Variants in POTEF observed in about 807,000 individuals in gnomAD.
The protein encoded by POTEF is POTE ankyrin domain family member F.
In POTEF, 20 loss-of-function variants were observed where a neutral mutation model predicts 83.2. The ratio of observed to expected loss-of-function variants is 0.24; its 90% CI spans 0.17 to 0.35. The LOEUF (loss-of-function observed/expected upper bound fraction) is 0.35. POTEF is among the 10% of genes least tolerant of loss of function. POTEF has a pLI of 1.00. For missense variants in POTEF, 550 were observed against 1,203.2 expected (o/e 0.46, Z 8.03); for synonymous variants, 196 against 446.4 (o/e 0.44, Z 7.07).
chr2:130,119,234 G>A (rs1573616352), intron 3 of POTEF, among the ~76,000 whole-genome samples: 1 of 151,284 alleles, frequency 6.6e-6, no homozygotes. Context: ...CACTATCTCG[G>A]CTCACTGCAA....
At position 130,120,126 on chromosome 2, in the gene POTEF, C is replaced by G. The variant is rs369169243; in HGVS notation, c.390G>C (p.Glu130Asp). 8 of 1,608,926 alleles carry G rather than the reference C, an allele frequency of 5.0e-6. No homozygotes were observed. The highest frequency in any genetic ancestry group is 5.9e-6 in the Non-Finnish European group (7 of 1,179,446). Residue 130 changes from glutamate to aspartate, a missense_variant, in exon 3 of 17, where the codon GAG (glutamate) becomes GAC (aspartate). By Grantham distance (45) the Glu-to-Asp change is conservative. Transcript: ENST00000409914. ...CTTCTCCACGGACGTGGTACCTGGG[C>G]TCCATGAAGGCACTGTCATCGTAGT... ...WGDYDDSAFM[E>D]PRYHVRGEDL... is the part of the protein sequence containing the mutation.
rs200428371 is a variant in POTEF at position 130,074,266 on chromosome 2, A to G, written c.3206T>C (p.Ile1069Thr). ...CACCTACAAGCATTTGCGGTGGACAATGGAGGGGCCTGACTCATCATACTC... is the reference window on the plus strand; with the variant it reads ...CACCTACAAGCATTTGCGGTGGACAGTGGAGGGGCCTGACTCATCATACTC... ...KQEYDESGPS[I>T]VHRKCL is the part of the protein sequence containing the mutation. The change falls in exon 17 of 17, where the codon ATT (isoleucine) becomes ACT (threonine). Residue 1069 changes from isoleucine to threonine, a missense_variant. Transcript: ENST00000409914. 4.4e-5 allele frequency: 71 copies of G among 1,608,770 alleles called. 2 individuals carry two copies. Among genetic ancestry groups the G allele is most frequent in the South Asian group, 8.8e-5 (8 of 90,954 alleles).
chr2:130,120,985 T>G lies in POTEF; in HGVS notation c.-93-377A>C, dbSNP rs764358253. ...CGTGCAGCATGCGCGTGCAAGCCAT[T>G]ACAGGCCAGCCAAGCCGTTACGCGC... On this transcript the variant is annotated intron_variant, in intron 2 of 16. Transcript: ENST00000409914. 1,429 of 229,670 alleles carry G rather than the reference T, an allele frequency of 6.2e-3. 9 individuals are homozygous for G. The highest frequency in any genetic ancestry group is 0.033 in the Middle Eastern group (20 of 612). The allele number at this position is 229,670 out of a possible 1,614,324, so 14.2% of individuals were successfully genotyped here.
intron 3 of POTEF, among the ~76,000 whole-genome samples, chr2:130,117,676 T>G (rs1684876383): frequency 6.6e-6 from 1 of 151,896 alleles, no homozygotes; most frequent in African/African-American, 2.4e-5. Flanking sequence ...GCACTGAAAT[T>G]TGTCCATGAA....
At chr2:130,119,451 C>T (rs534344033) in intron 3 of POTEF, among the ~76,000 whole-genome samples, 77 of 151,828 alleles carry the variant, frequency 5.1e-4, no homozygotes, top group East Asian at 2.7e-3. Flanking sequence ...TGAGCCACCG[C>T]GCCCAGCCAA....
At chr2:130,126,539 C>G (rs1573620150) in intron 2 of POTEF, among the ~76,000 whole-genome samples, 1 of 152,154 alleles carries the variant, frequency 6.6e-6, no homozygotes, top group East Asian at 1.9e-4. Flanking sequence ...ATGCCAGAGG[C>G]TGCAATTTTT....
At chr2:130,123,302 TTA>T in intron 2 of POTEF, among the ~76,000 whole-genome samples, 1 of 150,664 alleles carries the variant, frequency 6.6e-6, no homozygotes, top group Admixed American at 6.6e-5. Flanking sequence ...AGTAGAAAAA[TTA>T]TGTTAATTCC....
chr2:130,107,980 C>T, intron 8 of POTEF, 29 bp downstream of exon 8: 2 of 1,607,030 alleles, frequency 1.2e-6, no homozygotes, highest in Non-Finnish European at 8.5e-7. Context: ...GGACAACTGA[C>T]TAAAGTAATT....
chr2:130,119,169 T>G (rs1042031151), intron 3 of POTEF, among the ~76,000 whole-genome samples: 14 of 151,028 alleles, frequency 9.3e-5, no homozygotes, highest in African/African-American at 3.2e-4. Context: ...TCCCATCTTT[T>G]TTTTTTTTTT....
At chr2:130,128,393 G>A (rs1343164365) in intron 1 of POTEF, among the ~76,000 whole-genome samples, 1 of 151,838 alleles carries the variant, frequency 6.6e-6, no homozygotes, top group Admixed American at 6.6e-5. Flanking sequence ...AGGAGACCAT[G>A]GCTGTTGCTG....
Position 130,126,666 on chromosome 2 carries a change from A to G in POTEF, c.-94+1043T>C, listed in dbSNP as rs549191525. 1.5e-3 allele frequency among the ~76,000 whole-genome samples: 227 copies of G among 152,158 alleles called. 1 individual carries two copies. Among genetic ancestry groups the G allele is most frequent in the South Asian group, 5.0e-3 (24 of 4,830 alleles). ...GAACACTAGGCATAAGTGGTTTAAC[A>G]CAATCGTGAAAGCATAGCTATTCAA... On this transcript the variant is annotated intron_variant, in intron 2 of 16. Coordinates refer to ENST00000409914, the MANE Select transcript of POTEF (RefSeq NM_001099771.2).
At position 130,104,046 on chromosome 2, in the gene POTEF, T is replaced by C. The variant is rs537422003; in HGVS notation, c.1127-1866A>G. On this transcript the variant is annotated intron_variant, in intron 8 of 16. Coordinates refer to ENST00000409914, the MANE Select transcript of POTEF (RefSeq NM_001099771.2). ...ATCTGCATTTAGATATAGATCACTT[T>C]AAATGCCAAAACCAATATTCCTACT... Among the ~76,000 whole-genome samples the C allele has an allele frequency of 2.6e-3, 384 of 147,830 alleles. 23 individuals are homozygous for C. The highest frequency in any genetic ancestry group is 9.6e-3 in the African/African-American group (366 of 38,300).
intron 12 of POTEF, among the ~76,000 whole-genome samples, chr2:130,091,524 A>C (rs1465469187): frequency 2.0e-5 from 3 of 152,378 alleles, no homozygotes; most frequent in African/African-American, 7.2e-5. Context: ...TGAGAACAAG[A>C]TGTTTGGAGC....
rs530282050 is a variant in POTEF, at chr2:130,076,653, G to A, written c.1899+428C>T. ...AAACTGTTCCTCTCTGCAAAAGTAA[G>A]GATAATGGTATCCACAATGTGGCCT... is the stretch of plus-strand genomic sequence containing the variant. On this transcript the variant is annotated intron_variant, in intron 16 of 16. Transcript: ENST00000409914. 2.2e-4 allele frequency among the ~76,000 whole-genome samples: 32 copies of A among 144,540 alleles called. 1 individual carries two copies. The highest frequency in any genetic ancestry group is 8.0e-4 in the African/African-American group (30 of 37,492). 94.8% of individuals were successfully genotyped at this position (144,540 alleles called of 152,430 possible).
chr2:130,126,436 G>C (rs1332912063), intron 2 of POTEF, among the ~76,000 whole-genome samples: 1 of 152,064 alleles, frequency 6.6e-6, no homozygotes, highest in Admixed American at 6.5e-5. Flanking sequence ...AAATATGTGA[G>C]AGAGATGAAA....
intron 1 of POTEF, among the ~76,000 whole-genome samples, chr2:130,128,599 C>T (rs1453871249): frequency 6.7e-6 from 1 of 149,586 alleles, no homozygotes; most frequent in East Asian, 2.0e-4. Flanking sequence ...ATAGTGCCCA[C>T]AACCTGACCC....
chr2:130,117,362 C>A (rs1573614906), intron 3 of POTEF, among the ~76,000 whole-genome samples: 1 of 151,904 alleles, frequency 6.6e-6, no homozygotes, highest in Admixed American at 6.5e-5. Flanking sequence ...TGCATCTATG[C>A]AAGAAGCATA....
At chr2:130,117,748 T>C (rs1020873010) in intron 3 of POTEF, among the ~76,000 whole-genome samples, 5 of 152,054 alleles carry the variant, frequency 3.3e-5, no homozygotes, top group Non-Finnish European at 5.9e-5. Context: ...AAAACAGACC[T>C]CTATTTGGTA....
chr2:130,116,797 TTAAGGG>T (rs1382230312), intron 3 of POTEF, among the ~76,000 whole-genome samples: 1 of 120,952 alleles, frequency 8.3e-6, no homozygotes, highest in Non-Finnish European at 1.7e-5. Context: ...AAAAGGGCAG[TTAAGGG>T]TTGTCTTTTA....
Sources: gnomAD v4.1 joint callset for allele counts (sites outside exome capture counted in the v4.1 genomes callset) on GRCh38, gnomAD v4.1.1 for gene constraint, MANE v1.5 for transcripts, NCBI Gene and HGNC (gene_info 2026-07-23, HGNC 2026-07-21) for gene names.